The following KRT25 variants were observed in gnomAD, a reference collection of about 807,000 sequenced individuals.
KRT25 encodes the protein keratin, type I cytoskeletal 25.
Under a neutral mutation model 47.6 loss-of-function variants are expected in KRT25, and 37 were observed. The ratio of observed to expected loss-of-function variants is 0.78; its 90% CI spans 0.60 to 1.02. The LOEUF (loss-of-function observed/expected upper bound fraction) is 1.02, where lower values mean the gene tolerates loss of function less well. Among genes scored for constraint, KRT25 ranks in the 50% least tolerant of loss-of-function variants. KRT25 has a pLI of 0.00. For missense variants in KRT25, 542 were observed against 550.3 expected (o/e 0.98, Z 0.15); for synonymous variants, 203 against 210.2 (o/e 0.97, Z 0.30).
chr17:40,754,531 T>G, intron 1 of KRT25, 63 bp from the exon 2 acceptor site: 3 of 1,388,986 alleles, frequency 2.2e-6, no homozygotes, highest in Non-Finnish European at 3.1e-6. Context: ...AATGCTTATT[T>G]CTAATGCTAA....
rs1198942982 is a variant in KRT25, at chr17:40,750,362, G to T, written c.1175+18C>A. On this transcript the variant is annotated intron_variant, in intron 6 of 7. Coordinates refer to ENST00000312150, the MANE Select transcript of KRT25 (RefSeq NM_181534.4). ...GATTTCAGTATATTACGCCATCTAT[G>T]CAGATTATTTTACCTACCCATCATC... The T allele has an allele frequency of 1.2e-6, 2 of 1,611,424 alleles. No homozygotes were observed. The highest frequency in any genetic ancestry group is 8.5e-7 in the Non-Finnish European group (1 of 1,177,542).
chr17:40,754,758 A>G, intron 1 of KRT25, 85 bp downstream of exon 1: 16 of 1,256,412 alleles, frequency 1.3e-5, no homozygotes, highest in Non-Finnish European at 1.6e-5. Flanking sequence ...AGGAATGATA[A>G]ATGTTTTTAG....
At chr17:40,753,720 AAAAGAC>A in intron 3 of KRT25, 134 bp downstream of exon 3, 1 of 263,864 alleles carries the variant, frequency 3.8e-6, no homozygotes, top group Non-Finnish European at 7.1e-6. Context: ...AAAAAAAAAA[AAAAGAC>A]AGCTCAGCCC....
rs747672985 is a variant in KRT25, at chr17:40,755,267, G to A, written c.5C>T (p.Ser2Phe). M[S>F]LRLSSASRRS... ...CCTGGATGCACTGGAAAGTCGAAGA[G>A]ACATGGTATCAGGGCAAACGCGTTG... Residue 2 changes from serine to phenylalanine, a missense_variant, in exon 1 of 8, where the codon TCT (serine) becomes TTT (phenylalanine). Physicochemically the swap from Ser to Phe is radical, Grantham distance 155. Transcript: ENST00000312150. The A allele has an allele frequency of 6.2e-7, 1 of 1,612,952 alleles. No individual in the cohort carries two copies. Among genetic ancestry groups the A allele is most frequent in the South Asian group, 1.1e-5 (1 of 90,940 alleles).
chr17:40,751,306 G>A lies in KRT25; in HGVS notation c.690C>T (p.Cys230=), dbSNP rs778923702. Residue 230 remains cysteine, a synonymous_variant, in exon 4 of 8, where the codon TGC becomes TGT. Coordinates refer to ENST00000312150, the MANE Select transcript of KRT25 (RefSeq NM_181534.4). Reference sequence around the variant, plus strand: ...CCACGTTCACGTTGCCTCCAGCTGCGCACTGCAGAACTTGCATTTCCTAGA... The same window carrying A: ...CCACGTTCACGTTGCCTCCAGCTGCACACTGCAGAACTTGCATTTCCTAGA... The part of the protein sequence containing the change: ...NHKEEMQVLQ[C]AAGGNVNVEM... The A allele has an allele frequency of 1.6e-5, 25 of 1,612,394 alleles. No individual in the cohort carries two copies. Among genetic ancestry groups the A allele is most frequent in the Non-Finnish European group, 2.0e-5 (23 of 1,179,284 alleles).
rs2144130723 is a variant in KRT25 at position 40,754,827 on chromosome 17, C to A, written c.429+16G>T. Reference sequence around the variant, plus strand: ...ATAAAGGTACATGAAAATGATTGTGCAGTATGATTTCTTACCTGATTTTTA... The same window carrying A: ...ATAAAGGTACATGAAAATGATTGTGAAGTATGATTTCTTACCTGATTTTTA... On this transcript the variant is annotated intron_variant, in intron 1 of 7. Transcript: ENST00000312150. The A allele has an allele frequency of 1.3e-6, 2 of 1,579,486 alleles. No homozygotes were observed. The highest frequency in any genetic ancestry group is 1.8e-5 in the Admixed American group (1 of 56,124).
intron 3 of KRT25, among the ~76,000 whole-genome samples, chr17:40,751,900 G>A (rs1370881004): frequency 6.6e-6 from 1 of 151,620 alleles, no homozygotes; most frequent in Admixed American, 6.6e-5. Context: ...GTGTGTGTGT[G>A]TGTGTGTGTG....
At chr17:40,749,201 A>T in intron 7 of KRT25, 57 bp downstream of exon 7, 1 of 1,351,370 alleles carries the variant, frequency 7.4e-7, no homozygotes. Context: ...CCCAAACCTA[A>T]ATTAAAAGTT....
At chr17:40,753,669 G>T (rs2038073395) in intron 3 of KRT25, among the ~76,000 whole-genome samples, 191 bp downstream of exon 3, 1 of 109,162 alleles carries the variant, frequency 9.2e-6, no homozygotes, top group African/African-American at 3.5e-5. Context: ...GGACGGCAGA[G>T]CGAGACTCCG....
intron 5 of KRT25, 147 bp downstream of exon 5, chr17:40,750,807 G>T: frequency 8.2e-7 from 1 of 1,212,212 alleles, no homozygotes; most frequent in Non-Finnish European, 1.2e-6. Context: ...AGTTTTAGGT[G>T]TCAGCTATAC....
At chr17:40,748,413 T>G in intron 7 of KRT25, 27 bp from the exon 8 acceptor site, 1 of 1,380,826 alleles carries the variant, frequency 7.2e-7, no homozygotes, top group Non-Finnish European at 1.0e-6. Context: ...AAAAGGAGAT[T>G]TTATGTAGTT....
intron 7 of KRT25, 69 bp from the exon 8 acceptor site, chr17:40,748,455 G>T (rs753559743): frequency 3.2e-5 from 31 of 980,292 alleles, no homozygotes; most frequent in Non-Finnish European, 4.7e-5. Flanking sequence ...TCATTTAAAG[G>T]AATAATAGGA....
Position 40,754,445 on chromosome 17 carries a change from A to G in KRT25, c.453T>C (p.Asn151=), listed in dbSNP as rs749880976. The G allele has an allele frequency of 2.5e-6, 4 of 1,614,048 alleles. No homozygotes were observed. Among genetic ancestry groups the G allele is most frequent in the Non-Finnish European group, 3.4e-6 (4 of 1,179,932 alleles). ...TATCGATCTGCAGAACAGCATTAGC[A>G]TTGCTGGTGGTGGATGCGATGATCT... is the stretch of plus-strand genomic sequence containing the variant. ...KNQIIASTTS[N]ANAVLQIDNA... is the part of the protein sequence containing the mutation. Residue 151 remains asparagine, a synonymous_variant, in exon 2 of 8, where the codon AAT becomes AAC. Coordinates refer to ENST00000312150, the MANE Select transcript of KRT25 (RefSeq NM_181534.4).
intron 3 of KRT25, among the ~76,000 whole-genome samples, chr17:40,753,084 T>C (rs2038065308): frequency 6.6e-6 from 1 of 152,228 alleles, no homozygotes; most frequent in Non-Finnish European, 1.5e-5. Flanking sequence ...ATTAAGAATA[T>C]GTACTAGCGT....
chr17:40,748,675 C>A (rs931242900), intron 7 of KRT25, among the ~76,000 whole-genome samples: 3 of 152,090 alleles, frequency 2.0e-5, no homozygotes, highest in African/African-American at 7.2e-5. Context: ...AATATAAGAA[C>A]AATCAAGCTA....
chr17:40,754,732 A>G, intron 1 of KRT25, 111 bp downstream of exon 1: 2 of 1,181,106 alleles, frequency 1.7e-6, no homozygotes, highest in South Asian at 1.7e-5. Context: ...AAAAAAAAAA[A>G]AAAAAAATCA....
Position 40,748,222 on chromosome 17 carries a change from T to C in KRT25, c.*55A>G, listed in dbSNP as rs1567659457. On this transcript the variant is annotated 3_prime_UTR_variant, in exon 8 of 8. Coordinates refer to ENST00000312150, the MANE Select transcript of KRT25 (RefSeq NM_181534.4). Reference sequence around the variant, plus strand: ...ATGCACATTTTTCTGGACAGATACATAATGCCTTTTCTTCGCAGGGGCTAT... The same window carrying C: ...ATGCACATTTTTCTGGACAGATACACAATGCCTTTTCTTCGCAGGGGCTAT... The C allele has an allele frequency of 1.7e-6, 2 of 1,155,740 alleles. No individual in the cohort carries two copies. Among genetic ancestry groups the C allele is most frequent in the Non-Finnish European group, 1.3e-6 (1 of 790,788 alleles). 71.6% of individuals were successfully genotyped at this position (1,155,740 alleles called of 1,614,324 possible).
At chr17:40,754,142 G>A in intron 2 of KRT25, 126 bp from the exon 3 acceptor site, 1 of 941,342 alleles carries the variant, frequency 1.1e-6, no homozygotes, top group Non-Finnish European at 1.6e-6. Flanking sequence ...CATTTTCAAA[G>A]CTTGTTGTAT....
rs761847913 is a variant in KRT25, at chr17:40,754,395, A to G, written c.503T>C (p.Phe168Ser). 1 of 1,613,592 alleles carries G rather than the reference A, an allele frequency of 6.2e-7. No individual in the cohort carries two copies. Among genetic ancestry groups the G allele is most frequent in the Admixed American group, 1.7e-5 (1 of 60,020 alleles). Residue 168 changes from phenylalanine (F) to serine (S), a missense_variant, in exon 2 of 8, where the codon TTC (phenylalanine) becomes TCC (serine). Physicochemically the swap from Phe to Ser is radical, Grantham distance 155. Transcript: ENST00000312150. ...CTGGCAGTCTACTTACTTGAGTCTG[A>G]AATCATCAGCTGTAAGCCTGGCATT... ...IDNARLTADD[F>S]RLKYENELAL... is the part of the protein sequence containing the mutation.
Sources: allele counts gnomAD v4.1 joint callset (sites outside exome capture counted in the v4.1 genomes callset), GRCh38; gene constraint gnomAD v4.1.1; transcripts MANE v1.5; gene names NCBI Gene and HGNC (gene_info 2026-07-23, HGNC 2026-07-21).